The following SSH2 variants were observed in gnomAD, a reference collection of about 807,000 sequenced individuals.
The protein encoded by SSH2 is slingshot protein phosphatase 2.
In SSH2, 37 loss-of-function variants were observed where a neutral mutation model predicts 135.2. That is an observed-to-expected ratio of 0.27 (90% CI 0.21 to 0.36). The LOEUF is 0.36. SSH2 is among the 10% of genes least tolerant of loss of function. The pLI, the probability that SSH2 is intolerant of heterozygous loss-of-function variation, is 1.00. For synonymous variants in SSH2, 628 were observed against 646.2 expected (o/e 0.97, Z 0.43); for missense variants, 1,408 against 1,765.3 (o/e 0.80, Z 3.63).
chr17:29,660,962 G>A (rs1333253178), intron 11 of SSH2, among the ~76,000 whole-genome samples: 6 of 149,578 alleles, frequency 4.0e-5, no homozygotes, highest in Admixed American at 2.7e-4. Context: ...TTGGGCGGCT[G>A]AGGTATGAGA....
intron 2 of SSH2, among the ~76,000 whole-genome samples, chr17:29,831,900 C>T (rs913160774): frequency 6.6e-6 from 1 of 151,982 alleles, no homozygotes; most frequent in Non-Finnish European, 1.5e-5. Context: ...TACTTAAGGC[C>T]TCTTGTGTGT....
chr17:29,889,139 A>C (rs985360788), intron 1 of SSH2, among the ~76,000 whole-genome samples: 8 of 152,036 alleles, frequency 5.3e-5, no homozygotes, highest in African/African-American at 1.9e-4. Flanking sequence ...TAAATGTAAG[A>C]GAAAAATCAT....
intron 3 of SSH2, among the ~76,000 whole-genome samples, chr17:29,785,260 G>A (rs1379391007): frequency 3.3e-5 from 5 of 151,848 alleles, no homozygotes; most frequent in Admixed American, 6.6e-5. Context: ...TCTTGGGGTT[G>A]GCACACACAA....
At chr17:29,857,113 A>T (rs1209897426) in intron 1 of SSH2, among the ~76,000 whole-genome samples, 1 of 152,108 alleles carries the variant, frequency 6.6e-6, no homozygotes, top group African/African-American at 2.4e-5. Context: ...TCATTTCAGC[A>T]TTCTACTGGT....
chr17:29,648,821 ACC>A (rs1163898543), intron 13 of SSH2, among the ~76,000 whole-genome samples: 1 of 152,022 alleles, frequency 6.6e-6, no homozygotes, highest in African/African-American at 2.4e-5. Flanking sequence ...ACATGGTGAA[ACC>A]CCGTCTCTAC....
intron 1 of SSH2, among the ~76,000 whole-genome samples, chr17:29,878,140 C>T (rs992594053): frequency 7.2e-5 from 11 of 151,886 alleles, no homozygotes; most frequent in African/African-American, 2.7e-4. Context: ...TTTAAAAGAA[C>T]AAAGAGGCCG....
intron 5 of SSH2, among the ~76,000 whole-genome samples, chr17:29,691,236 T>C (rs544331265): frequency 5.3e-5 from 8 of 152,280 alleles, no homozygotes; most frequent in African/African-American, 1.9e-4. Flanking sequence ...AAAAAAGACC[T>C]CTTTGTACCT....
At chr17:29,709,036 A>AGAGAGAGAGG (rs1397968324) in intron 3 of SSH2, among the ~76,000 whole-genome samples, 2 of 147,384 alleles carry the variant, frequency 1.4e-5, no homozygotes, top group East Asian at 4.0e-4. Context: ...AGAGAGAGAG[A>AGAGAGAGAGG]GAGAGAGAGA....
At chr17:29,761,188 G>A (rs966595090) in intron 3 of SSH2, 22 of 1,289,620 alleles carry the variant, frequency 1.7e-5, no homozygotes, top group Admixed American at 2.3e-5. Flanking sequence ...CCGCGTTGGC[G>A]GAGAAGTAAG....
At chr17:29,692,745 A>G (rs2038540708) in intron 5 of SSH2, among the ~76,000 whole-genome samples, 1 of 152,224 alleles carries the variant, frequency 6.6e-6, no homozygotes, top group African/African-American at 2.4e-5. Context: ...AGTATGTGCA[A>G]GTGACTGTTG....
intron 14 of SSH2, among the ~76,000 whole-genome samples, chr17:29,647,296 G>A (rs974103113): frequency 2.0e-5 from 3 of 150,274 alleles, no homozygotes; most frequent in Admixed American, 6.6e-5. Context: ...AGGTTGCAGC[G>A]AGCCGAGACT....
At chr17:29,691,153 T>A (rs986125045) in intron 5 of SSH2, among the ~76,000 whole-genome samples, 12 of 152,272 alleles carry the variant, frequency 7.9e-5, no homozygotes, top group Admixed American at 2.6e-4. Context: ...AATTTCCATT[T>A]TAGAAAGCAA....
chr17:29,638,509 T>TACACACACACACACACAC (rs71138839), intron 14 of SSH2, among the ~76,000 whole-genome samples: 1 of 128,882 alleles, frequency 7.8e-6, no homozygotes, highest in Non-Finnish European at 1.6e-5. Flanking sequence ...TTCTATATTT[T>TACACACACACACACACAC]ACACACACAC....
chr17:29,698,355 GAT>G lies in SSH2; in HGVS notation c.293-2834_293-2833del, dbSNP rs1162187956. Among the ~76,000 whole-genome samples the G allele has an allele frequency of 2.6e-5, 4 of 152,220 alleles. No homozygotes were observed. In the South Asian group the frequency reaches 6.2e-4, roughly 24 times the overall value. On this transcript the variant is annotated intron_variant, in intron 4 of 15. Transcript: ENST00000540801. ...AACTGGGTGAATTATATGGTATGTG[GAT>G]TATATCTCAATAAAGCTGTTAAACA... is the stretch of plus-strand genomic sequence containing the variant.
rs2038953475 is a variant in SSH2 at position 29,701,004 on chromosome 17, T to C, written c.292+1955A>G. 2.0e-5 allele frequency among the ~76,000 whole-genome samples: 3 copies of C among 152,114 alleles called. No homozygotes were observed. The South Asian group carries it at 6.2e-4, about 32-fold the overall frequency. On this transcript the variant is annotated intron_variant, in intron 4 of 15. Transcript: ENST00000540801. ...CTTTTTTTTTGAGATGGAGTCTTAC[T>C]GTGTCGCCCAGGCTGGAGTGCAGTG...
chr17:29,715,912 T>A (rs1259853957), intron 3 of SSH2, among the ~76,000 whole-genome samples: 1 of 152,070 alleles, frequency 6.6e-6, no homozygotes, highest in African/African-American at 2.4e-5. Flanking sequence ...TCCTACTCCT[T>A]TCCACTGTTA....
At chr17:29,794,077 C>CA in intron 2 of SSH2, 140 bp from the exon 3 acceptor site, 2 of 674,492 alleles carry the variant, frequency 3.0e-6, no homozygotes. Flanking sequence ...AAATTCTCTT[C>CA]AAAAAAAGTG....
intron 2 of SSH2, among the ~76,000 whole-genome samples, chr17:29,798,745 C>T (rs1599015374): frequency 6.6e-6 from 1 of 152,090 alleles, no homozygotes; most frequent in Admixed American, 6.6e-5. Context: ...CAATCTTTGC[C>T]ATTAACTGTG....
chr17:29,691,495 CT>C (rs11366088), intron 5 of SSH2, among the ~76,000 whole-genome samples: 133,611 of 143,440 alleles, frequency 0.93, 62,413 homozygotes, highest in East Asian at 1. Context: ...TATTTTCTCT[CT>C]TTTTTTTTTT....
Sources: allele counts gnomAD v4.1 joint callset (sites outside exome capture counted in the v4.1 genomes callset), GRCh38; gene constraint gnomAD v4.1.1; transcripts MANE v1.5; gene names NCBI Gene and HGNC (gene_info 2026-07-23, HGNC 2026-07-21).